Variants in LHPP observed in about 807,000 individuals in gnomAD.
The protein encoded by LHPP is phospholysine phosphohistidine inorganic pyrophosphate phosphatase, also known as hLHPP.
A neutral mutation model predicts 30.3 loss-of-function variants in LHPP; 24 were observed. The ratio of observed to expected loss-of-function variants is 0.79; its 90% CI spans 0.57 to 1.11. LHPP has a LOEUF of 1.11. Among genes scored for constraint, LHPP ranks in the 50% most tolerant of loss-of-function variants. The pLI is 0.00. For missense variants in LHPP, 356 were observed against 367.2 expected (o/e 0.97, Z 0.25); for synonymous variants, 150 against 157.1 (o/e 0.95, Z 0.34).
intron 6 of LHPP, among the ~76,000 whole-genome samples, chr10:124,561,047 T>C (rs541035164): frequency 1.3e-5 from 2 of 152,186 alleles, no homozygotes; most frequent in South Asian, 4.1e-4. Context: ...TGGGGATCAG[T>C]GGAGGGGTGA....
chr10:124,603,150 A>C (rs559270413), intron 6 of LHPP, among the ~76,000 whole-genome samples: 1 of 152,296 alleles, frequency 6.6e-6, no homozygotes, highest in South Asian at 2.1e-4. Context: ...GCGGCAGCCT[A>C]GCTGGACACC....
chr10:124,464,420 C>T (rs1375872914), intron 1 of LHPP, among the ~76,000 whole-genome samples: 2 of 152,174 alleles, frequency 1.3e-5, no homozygotes, highest in East Asian at 1.9e-4. Flanking sequence ...GGGACCCAAA[C>T]GGTCCCGCAT....
chr10:124,525,068 A>G (rs1477539300), intron 6 of LHPP, among the ~76,000 whole-genome samples: 1 of 152,176 alleles, frequency 6.6e-6, no homozygotes, highest in Non-Finnish European at 1.5e-5. Flanking sequence ...GGCCGCGGTG[A>G]CTGGGCCTGC....
intron 1 of LHPP, among the ~76,000 whole-genome samples, chr10:124,471,887 G>A (rs920752390): frequency 4.5e-4 from 68 of 149,968 alleles, no homozygotes; most frequent in African/African-American, 1.6e-3. Context: ...TCCTGCCTCA[G>A]CCTACCCAGT....
chr10:124,611,868 G>A (rs1002278064), intron 6 of LHPP, among the ~76,000 whole-genome samples: 2 of 152,228 alleles, frequency 1.3e-5, no homozygotes, highest in South Asian at 2.1e-4. Flanking sequence ...AAGTGGGGGC[G>A]CTGCTGCCGG....
intron 6 of LHPP, among the ~76,000 whole-genome samples, chr10:124,553,471 T>TG (rs1948220960): frequency 6.9e-6 from 1 of 144,174 alleles, no homozygotes; most frequent in Non-Finnish European, 1.5e-5. Flanking sequence ...TTTTTTTTTT[T>TG]TTTTTGAGAC....
Position 124,496,642 on chromosome 10 carries a change from C to T in LHPP, c.468-319C>T, listed in dbSNP as rs1953717921. On this transcript the variant is annotated intron_variant, in intron 3 of 6. Transcript: ENST00000368842. This position sits in a 1 kb window ranked among gnomAD's most constrained non-coding sequence, Gnocchi z 4.3. ...CATTCTCTGTGTTAGCAACTGAAAC[C>T]GTCTGCCTTCTGGGTCCCCTGTTAA... Among the ~76,000 whole-genome samples, 1 of 152,246 alleles carries T rather than the reference C, an allele frequency of 6.6e-6. No individual in the cohort carries two copies. The highest frequency in any genetic ancestry group is 1.5e-5 in the Non-Finnish European group (1 of 68,032).
chr10:124,481,373 C>CCTTTTT (rs780510243), intron 1 of LHPP, among the ~76,000 whole-genome samples: 2 of 85,028 alleles, frequency 2.4e-5, no homozygotes, highest in Non-Finnish European at 2.2e-5. Flanking sequence ...TATCTGCCCC[C>CCTTTTT]TTTTTTTTTT....
At chr10:124,515,589 G>A (rs1166310280) in intron 5 of LHPP, among the ~76,000 whole-genome samples, 3 of 152,164 alleles carry the variant, frequency 2.0e-5, no homozygotes, top group Non-Finnish European at 4.4e-5. Flanking sequence ...ATTTTTGTGT[G>A]CCCATAAAGA....
intron 6 of LHPP, among the ~76,000 whole-genome samples, chr10:124,603,256 G>A (rs1328517823): frequency 8.5e-5 from 13 of 152,192 alleles, no homozygotes; most frequent in South Asian, 6.2e-4. Flanking sequence ...GGCCCAGCCC[G>A]GGTGCACAGC....
rs541001948 is a variant in LHPP at position 124,480,848 on chromosome 10, A to G, written c.126-3291A>G. Among the ~76,000 whole-genome samples, 131 of 152,344 alleles carry G rather than the reference A, an allele frequency of 8.6e-4. 1 individual carries two copies. Among genetic ancestry groups the G allele is most frequent in the Middle Eastern group, 6.8e-3 (2 of 294 alleles). ...CATTCACTATGTGGTCAGCAGATCT[A>G]CAGATTTCTTCCTAAATTGCACCTG... On this transcript the variant is annotated intron_variant, in intron 1 of 6. Transcript: ENST00000368842.
chr10:124,566,636 GT>G (rs1437989267), intron 6 of LHPP, among the ~76,000 whole-genome samples: 1 of 152,212 alleles, frequency 6.6e-6, no homozygotes, highest in African/African-American at 2.4e-5. Flanking sequence ...CGGAGAGCCA[GT>G]TACCAGCACA....
chr10:124,609,753 TGTATTCCTC>T (rs1172734077), intron 6 of LHPP, among the ~76,000 whole-genome samples: 1 of 152,196 alleles, frequency 6.6e-6, no homozygotes, highest in Admixed American at 6.5e-5. Context: ...TCCTGCTGTG[TGTATTCCTC>T]GAGTCTGGCC....
chr10:124,540,325 G>T (rs1589844412), intron 6 of LHPP, among the ~76,000 whole-genome samples: 1 of 152,228 alleles, frequency 6.6e-6, no homozygotes, highest in East Asian at 1.9e-4. Context: ...TTCCCACCAG[G>T]GGGCGGCAGG....
chr10:124,504,281 AC>A (rs1481751895), intron 5 of LHPP, among the ~76,000 whole-genome samples: 6 of 151,288 alleles, frequency 4.0e-5, no homozygotes, highest in Non-Finnish European at 8.8e-5. Context: ...CAAAAACAAA[AC>A]CCTGCCACTG....
intron 1 of LHPP, among the ~76,000 whole-genome samples, chr10:124,464,688 GT>G (rs572099186): frequency 2.0e-5 from 3 of 152,208 alleles, no homozygotes; most frequent in Non-Finnish European, 4.4e-5. Flanking sequence ...TCTGGGCAGT[GT>G]TTTGGGGTGA....
At chr10:124,524,875 A>G (rs1349646450) in intron 6 of LHPP, among the ~76,000 whole-genome samples, 1 of 152,244 alleles carries the variant, frequency 6.6e-6, no homozygotes, top group Non-Finnish European at 1.5e-5. Context: ...TATATATAAC[A>G]TAAAATATGC....
intron 1 of LHPP, among the ~76,000 whole-genome samples, chr10:124,475,481 C>G (rs1952916450): frequency 6.6e-6 from 1 of 152,004 alleles, no homozygotes; most frequent in African/African-American, 2.4e-5. Flanking sequence ...GCAGAGGTTG[C>G]AGTGAGCCAA....
chr10:124,503,480 A>T (rs922744988), intron 5 of LHPP, among the ~76,000 whole-genome samples: 1 of 152,042 alleles, frequency 6.6e-6, no homozygotes, highest in Admixed American at 6.5e-5. Flanking sequence ...TACTGTATTT[A>T]AAGCTGCTGG....
Sources: gnomAD v4.1 joint callset for allele counts (sites outside exome capture counted in the v4.1 genomes callset) on GRCh38, gnomAD v4.1.1 for gene constraint, Gnocchi (gnomAD v3.1) non-coding constraint, MANE v1.5 for transcripts, NCBI Gene and HGNC (gene_info 2026-07-23, HGNC 2026-07-21) for gene names.